Variants in GRM8 observed in about 807,000 individuals in gnomAD.
GRM8 encodes the protein metabotropic glutamate receptor 8.
In GRM8, 47 loss-of-function variants were observed where a neutral mutation model predicts 87.2. The observed-to-expected ratio is 0.54, with a 90% CI of 0.43 to 0.69. The LOEUF (loss-of-function observed/expected upper bound fraction) is 0.69, where lower values mean the gene tolerates loss of function less well. Among genes scored for constraint, GRM8 ranks in the 30% least tolerant of loss-of-function variants. The probability of loss-of-function intolerance (pLI) is 0.00; values close to 1 mark genes in which losing one functional copy is unlikely to be tolerated. For missense variants in GRM8, 1,019 were observed against 1,139.2 expected (o/e 0.89, Z 1.52); for synonymous variants, 396 against 404.5 (o/e 0.98, Z 0.25).
chr7:126,774,294 C>T (rs11773772), intron 6 of GRM8, among the ~76,000 whole-genome samples: 54,425 of 152,066 alleles, frequency 0.36, 11,386 homozygotes, highest in Non-Finnish European at 0.47. Flanking sequence ...TTGATTCTCT[C>T]ATTCATCTAA....
intron 3 of GRM8, among the ~76,000 whole-genome samples, chr7:126,996,872 T>C (rs1813226029): frequency 1.3e-5 from 2 of 152,090 alleles, no homozygotes; most frequent in South Asian, 4.1e-4. Context: ...ACTTTCAACA[T>C]TGTTGATTTT....
chr7:126,535,561 A>G (rs1023005728), intron 8 of GRM8, among the ~76,000 whole-genome samples: 1 of 152,302 alleles, frequency 6.6e-6, no homozygotes. Flanking sequence ...GTTTATACCT[A>G]CTTTCAATTG....
chr7:126,749,202 G>C (rs13237160), intron 7 of GRM8, among the ~76,000 whole-genome samples: 71,745 of 151,836 alleles, frequency 0.47, 17,523 homozygotes, highest in African/African-American at 0.52. Context: ...CGCTTGAACC[G>C]GGAGGGAGAG....
intron 3 of GRM8, among the ~76,000 whole-genome samples, chr7:127,085,627 C>T (rs1403485766): frequency 6.6e-6 from 1 of 152,250 alleles, no homozygotes; most frequent in East Asian, 1.9e-4. Context: ...AGTGTCAGTT[C>T]GTATCCTTTA....
At chr7:126,971,962 A>G (rs1481872947) in intron 3 of GRM8, among the ~76,000 whole-genome samples, 1 of 152,194 alleles carries the variant, frequency 6.6e-6, no homozygotes, top group Non-Finnish European at 1.5e-5. Flanking sequence ...CCTTTGCCGT[A>G]TTTATAAGAC....
intron 2 of GRM8, among the ~76,000 whole-genome samples, chr7:127,127,846 C>T (rs1190052702): frequency 6.6e-6 from 1 of 151,700 alleles, no homozygotes; most frequent in Non-Finnish European, 1.5e-5. Context: ...CCAGCACACA[C>T]CCTTCAAAAA....
intron 3 of GRM8, among the ~76,000 whole-genome samples, chr7:126,948,531 T>C (rs1026014438): frequency 1.3e-5 from 2 of 150,860 alleles, no homozygotes; most frequent in Admixed American, 1.3e-4. Context: ...TCTAGGGAGA[T>C]GAAGGAGCCA....
chr7:126,893,686 A>C (rs1044012183), intron 6 of GRM8, among the ~76,000 whole-genome samples: 2 of 152,016 alleles, frequency 1.3e-5, no homozygotes, highest in African/African-American at 4.8e-5. Context: ...TATCTTCCTC[A>C]CAAAATATAA....
At chr7:126,976,371 G>A (rs761531722) in intron 3 of GRM8, among the ~76,000 whole-genome samples, 4 of 152,086 alleles carry the variant, frequency 2.6e-5, no homozygotes, top group Non-Finnish European at 5.9e-5. Context: ...CGAAGGGGGC[G>A]GATCACAAGA....
intron 7 of GRM8, among the ~76,000 whole-genome samples, chr7:126,660,412 C>A (rs1805026121): frequency 6.6e-6 from 1 of 152,130 alleles, no homozygotes; most frequent in Non-Finnish European, 1.5e-5. Context: ...ATTTAACTCC[C>A]TAATATCTAC....
intron 2 of GRM8, among the ~76,000 whole-genome samples, chr7:127,226,806 T>TA (rs1371069002): frequency 1.3e-5 from 2 of 152,210 alleles, no homozygotes; most frequent in African/African-American, 2.4e-5. Flanking sequence ...CTTTTTGCAG[T>TA]AAAAAATAAT....
intron 3 of GRM8, among the ~76,000 whole-genome samples, chr7:127,087,203 C>G (rs898177169): frequency 7.2e-5 from 11 of 152,186 alleles, no homozygotes; most frequent in Admixed American, 6.5e-4. Flanking sequence ...CCCTTCTCCA[C>G]TGCAGGGTTC....
chr7:126,856,094 C>T (rs947705675), intron 6 of GRM8, among the ~76,000 whole-genome samples: 17 of 151,786 alleles, frequency 1.1e-4, no homozygotes, highest in African/African-American at 3.6e-4. Context: ...TAAAAATCTA[C>T]GTTTTTTTTC....
intron 9 of GRM8, among the ~76,000 whole-genome samples, chr7:126,486,620 A>C (rs1298884540): frequency 2.6e-5 from 4 of 152,124 alleles, no homozygotes; most frequent in Non-Finnish European, 2.9e-5. Flanking sequence ...TTAAAATCTT[A>C]CAAAATATCG....
intron 9 of GRM8, among the ~76,000 whole-genome samples, chr7:126,453,493 C>G (rs943847544): frequency 4.0e-5 from 6 of 151,650 alleles, no homozygotes; most frequent in African/African-American, 1.2e-4. Flanking sequence ...CTTTCTGAAC[C>G]CTTAACCTTG....
chr7:126,894,907 C>G (rs1169776049), intron 6 of GRM8, among the ~76,000 whole-genome samples: 1 of 152,082 alleles, frequency 6.6e-6, no homozygotes, highest in East Asian at 1.9e-4. Context: ...TAAATAATCT[C>G]TAAGGACCTC....
At chr7:126,821,694 A>G (rs1284124321) in intron 6 of GRM8, among the ~76,000 whole-genome samples, 4 of 151,908 alleles carry the variant, frequency 2.6e-5, no homozygotes, top group African/African-American at 7.3e-5. Context: ...AGGTACTACA[A>G]AGAGTTCCCA....
At chr7:126,760,921 G>A (rs1817523843) in intron 7 of GRM8, among the ~76,000 whole-genome samples, 1 of 152,096 alleles carries the variant, frequency 6.6e-6, no homozygotes, top group Admixed American at 6.6e-5. Context: ...ATGAGGGCGG[G>A]CTCGATGATT....
At chr7:126,869,185 A>G (rs1476959911) in intron 6 of GRM8, 1 of 152,202 alleles carries the variant, frequency 6.6e-6, no homozygotes, top group Non-Finnish European at 1.5e-5. Context: ...TGATAATTAT[A>G]TTGCAACAAT....
Sources: gnomAD v4.1 joint callset for allele counts (sites outside exome capture counted in the v4.1 genomes callset) on GRCh38, gnomAD v4.1.1 for gene constraint, MANE v1.5 for transcripts, NCBI Gene and HGNC (gene_info 2026-07-23, HGNC 2026-07-21) for gene names.